NFKBIZ: variants seen among roughly 807,000 people sequenced by gnomAD.
The protein encoded by NFKBIZ is NFKB inhibitor zeta.
In NFKBIZ, 19 loss-of-function variants were observed where a neutral mutation model predicts 76.8. The observed-to-expected ratio is 0.25, with a 90% CI of 0.17 to 0.36. The LOEUF (loss-of-function observed/expected upper bound fraction) is 0.36, where lower values mean the gene tolerates loss of function less well. Ranked by LOEUF, NFKBIZ falls within the 10% of genes least tolerant of loss-of-function variation. The probability of loss-of-function intolerance (pLI) is 1.00; values close to 1 mark genes in which losing one functional copy is unlikely to be tolerated. For missense variants in NFKBIZ, 829 were observed against 910.9 expected (o/e 0.91, Z 1.16); for synonymous variants, 368 against 354.8 (o/e 1.04, Z -0.42).
At chr3:101,835,873 G>A (rs760975263) in intron 2 of NFKBIZ, among the ~76,000 whole-genome samples, 2 of 152,178 alleles carry the variant, frequency 1.3e-5, no homozygotes, top group Admixed American at 1.3e-4. Context: ...AAGGTCATAA[G>A]GTCCAATTGT....
Position 101,849,622 on chromosome 3 carries a change from T to C in NFKBIZ, c.-7T>C, listed in dbSNP as rs1459463778. On this transcript the variant is annotated 5_prime_UTR_variant, in exon 1 of 12. Transcript: ENST00000326172. ...TGTCGGGGTCCTCGAGCGCCCAGCC[T>C]GGGAGCATGATTGTGGACAAGCTGC... is the stretch of plus-strand genomic sequence containing the variant. 4.4e-6 allele frequency: 6 copies of C among 1,350,882 alleles called. No individual in the cohort carries two copies. The highest frequency in any genetic ancestry group is 5.7e-6 in the Non-Finnish European group (6 of 1,056,510). The allele number at this position is 1,350,882 out of a possible 1,614,324, so 83.7% of individuals were successfully genotyped here.
At position 101,853,195 on chromosome 3, in the gene NFKBIZ, T is replaced by G; in HGVS notation, c.669T>G (p.Ile223Met). The G allele has an allele frequency of 1.2e-6, 2 of 1,614,054 alleles. No homozygotes were observed. Among genetic ancestry groups the G allele is most frequent in the Non-Finnish European group, 1.7e-6 (2 of 1,180,006 alleles). ...ATCTGCTTCAGAACATTATCAACATTAAGAATGAATGCAGCCCCGTTTCCC... is the reference window on the plus strand; with the variant it reads ...ATCTGCTTCAGAACATTATCAACATGAAGAATGAATGCAGCCCCGTTTCCC... Reference protein sequence around the residue: ...SADLLQNIINIKNECSPVSLN... With the variant: ...SADLLQNIINMKNECSPVSLN... Residue 223 changes from isoleucine to methionine, a missense_variant, in exon 5 of 12, where the codon ATT (isoleucine) becomes ATG (methionine). Physicochemically the swap from Ile to Met is conservative, Grantham distance 10. Around this residue, in one of 4 missense-constraint regions of NFKBIZ, gnomAD observed 371 missense variants for 332.3 expected, o/e 1.12. Coordinates refer to ENST00000326172, the MANE Select transcript of NFKBIZ (RefSeq NM_031419.4).
chr3:101,852,060 A>G, intron 1 of NFKBIZ, 25 bp from the exon 2 acceptor site: 29 of 1,604,562 alleles, frequency 1.8e-5, no homozygotes, highest in Non-Finnish European at 2.3e-5. Context: ...TTAACCAGGA[A>G]TATGTTTTGT....
chr3:101,829,685 G>C (rs954599857), exon 2 of NFKBIZ: 2 of 152,100 alleles, frequency 1.3e-5, no homozygotes, highest in Non-Finnish European at 2.9e-5. Context: ...CTGAACTCTC[G>C]AGGGTGAGAA....
At chr3:101,843,816 G>A (rs1240237577) in intron 2 of NFKBIZ, among the ~76,000 whole-genome samples, 3 of 152,016 alleles carry the variant, frequency 2.0e-5, no homozygotes, top group African/African-American at 7.2e-5. Flanking sequence ...TCTAAATGTT[G>A]CCACATTTCA....
upstream of NFKBIZ, among the ~76,000 whole-genome samples, chr3:101,847,114 T>C (rs1942862206): frequency 6.6e-6 from 1 of 152,274 alleles, no homozygotes; most frequent in Non-Finnish European, 1.5e-5. Context: ...AGGGGGATCT[T>C]ACTTTACTCT....
In NFKBIZ at chr3:101,855,888, G is replaced by A. The variant is rs772319588; in HGVS notation, c.1810G>A (p.Ala604Thr). 6.2e-7 allele frequency: 1 copy of A among 1,606,950 alleles called. No homozygotes were observed. The highest frequency in any genetic ancestry group is 1.7e-5 in the Admixed American group (1 of 58,360). ...TAAGTGCCTAATTCAAATGGGAGCA[G>A]CGGTGGAAGCGAAGGTAAATTCACA... ...TIKCLIQMGA[A>T]VEAKDRKSGR... The change falls in exon 9 of 12, where the codon GCG (alanine) becomes ACG (threonine). Residue 604 changes from alanine to threonine, a missense_variant. Around this residue, in one of 4 missense-constraint regions of NFKBIZ, gnomAD observed 272 missense variants for 384.2 expected, o/e 0.71. Coordinates refer to ENST00000326172, the MANE Select transcript of NFKBIZ (RefSeq NM_031419.4).
rs531773025 is a variant in NFKBIZ, at chr3:101,843,590, A to T, written c.-11-8495A>T. Among the ~76,000 whole-genome samples the T allele has an allele frequency of 7.9e-5, 12 of 152,378 alleles. 1 individual carries two copies. The highest frequency in any genetic ancestry group is 1.4e-4 in the African/African-American group (6 of 41,596). Reference sequence around the variant, plus strand: ...ATATTCTAATTTAATATTATACCAAAACAAGTGGTAGTTCCTTAAAGGAGA... The same window carrying T: ...ATATTCTAATTTAATATTATACCAATACAAGTGGTAGTTCCTTAAAGGAGA... On this transcript the variant is annotated intron_variant, in intron 2 of 12. Coordinates refer to the NFKBIZ transcript ENST00000394054.
In NFKBIZ at chr3:101,855,454, T is replaced by C; in HGVS notation, c.1650T>C (p.Tyr550=). 1.2e-6 allele frequency: 2 copies of C among 1,613,878 alleles called. No individual in the cohort carries two copies. Among genetic ancestry groups the C allele is most frequent in the Non-Finnish European group, 1.7e-6 (2 of 1,179,764 alleles). The change falls in exon 8 of 12, where the codon TAT becomes TAC. Residue 550 remains tyrosine (Y), a synonymous_variant. Transcript: ENST00000326172. The stretch of plus-strand genomic sequence containing the variant: ...TTGTGGATCTTGAGGCAACTAACTA[T>C]GATGGTAAGCAACTGAAACTTTATT... ...NQFVDLEATN[Y]DGLTPLHCAV... is the part of the protein sequence containing the mutation.
intron 9 of NFKBIZ, among the ~76,000 whole-genome samples, chr3:101,856,383 G>A (rs1364847725): frequency 6.6e-6 from 1 of 152,130 alleles, no homozygotes; most frequent in Non-Finnish European, 1.5e-5. Context: ...CATTTCATGT[G>A]TTTTCTTGAT....
At chr3:101,838,145 C>G (rs1412287992) in intron 2 of NFKBIZ, among the ~76,000 whole-genome samples, 1 of 152,052 alleles carries the variant, frequency 6.6e-6, no homozygotes, top group Non-Finnish European at 1.5e-5. Context: ...TAGCCATATG[C>G]ACACAAATAA....
At chr3:101,828,903 A>G (rs754079349) in intron 1 of NFKBIZ, among the ~76,000 whole-genome samples, 6 of 152,206 alleles carry the variant, frequency 3.9e-5, no homozygotes, top group Non-Finnish European at 7.3e-5. Flanking sequence ...AATTTTAAGC[A>G]TTTGGTAATA....
Position 101,855,052 on chromosome 3 carries a change from A to G in NFKBIZ, c.1444-10A>G. ...GTTTAAAATATCTTTTTTCCTCTGG[A>G]TATCCACAGAGTGCCTTTCAGGTGG... On this transcript the variant is annotated splice_polypyrimidine_tract_variant and intron_variant, in intron 6 of 11. Transcript: ENST00000326172. 1.3e-6 allele frequency: 2 copies of G among 1,589,534 alleles called. No individual in the cohort carries two copies. Among genetic ancestry groups the G allele is most frequent in the South Asian group, 2.3e-5 (2 of 86,914 alleles).
At position 101,852,764 on chromosome 3, in the gene NFKBIZ, C is replaced by G. The variant is rs1942987052; in HGVS notation, c.456C>G (p.Phe152Leu). The change falls in exon 3 of 12, where the codon TTC becomes TTG. Residue 152 changes from phenylalanine to leucine, a missense_variant. Physicochemically the swap from Phe to Leu is conservative, Grantham distance 22. Transcript: ENST00000326172. ...CACAAGGTGTGAACATAGAACAGTT[C>G]AGAGGTAAGAGTTACTTGTATTTGT... is the stretch of plus-strand genomic sequence containing the variant. The part of the protein sequence containing the change: ...FKTQGVNIEQ[F>L]RELKNTVSYS... The G allele has an allele frequency of 6.2e-7, 1 of 1,611,256 alleles. No homozygotes were observed. The highest frequency in any genetic ancestry group is 1.7e-5 in the Admixed American group (1 of 59,382).
intron 11 of NFKBIZ, among the ~76,000 whole-genome samples, chr3:101,858,755 C>T (rs1943090128): frequency 6.6e-6 from 1 of 152,162 alleles, no homozygotes; most frequent in Non-Finnish European, 1.5e-5. Flanking sequence ...ATTTGTCAGA[C>T]TGGGATGTAA....
At chr3:101,841,926 C>T (rs936733901) in intron 2 of NFKBIZ, among the ~76,000 whole-genome samples, 5 of 152,198 alleles carry the variant, frequency 3.3e-5, no homozygotes, top group African/African-American at 4.8e-5. Flanking sequence ...AGCATTTCCA[C>T]TTGTTTCTAC....
At chr3:101,855,973 A>G in intron 9 of NFKBIZ, 71 bp downstream of exon 9, 7 of 1,354,046 alleles carry the variant, frequency 5.2e-6, no homozygotes, top group East Asian at 4.8e-5. Flanking sequence ...CCTTGCTTCC[A>G]AGTACAGATT....
intron 1 of NFKBIZ, among the ~76,000 whole-genome samples, chr3:101,829,317 C>G (rs1942611098): frequency 6.6e-6 from 1 of 152,150 alleles, no homozygotes; most frequent in Non-Finnish European, 1.5e-5. Context: ...AGCATCCTCT[C>G]CAGTGTGGAG....
intron 2 of NFKBIZ, among the ~76,000 whole-genome samples, chr3:101,832,954 G>A (rs1450210593): frequency 5.9e-5 from 9 of 152,338 alleles, no homozygotes; most frequent in East Asian, 3.9e-4. Context: ...GAATAAGTGC[G>A]TACACCATGA....
Sources: gnomAD v4.1 joint callset for allele counts (sites outside exome capture counted in the v4.1 genomes callset) on GRCh38, gnomAD v4.1.1 for gene constraint, gnomAD v4.1.1 regional missense constraint, MANE v1.5 for transcripts, NCBI Gene and HGNC (gene_info 2026-07-23, HGNC 2026-07-21) for gene names.